DBR1: variants seen among roughly 807,000 people sequenced by gnomAD.
DBR1 encodes the protein lariat debranching enzyme.
A neutral mutation model predicts 45.9 loss-of-function variants in DBR1; 33 were observed. The ratio of observed to expected loss-of-function variants is 0.72; its 90% CI spans 0.55 to 0.96. The LOEUF (loss-of-function observed/expected upper bound fraction) is 0.96, where lower values mean the gene tolerates loss of function less well. Ranked by LOEUF, DBR1 falls within the 40% of genes least tolerant of loss-of-function variation. The probability of loss-of-function intolerance (pLI) is 0.00; values close to 1 mark genes in which losing one functional copy is unlikely to be tolerated. For missense variants in DBR1, 619 were observed against 667.4 expected, an observed-to-expected ratio of 0.93 and a Z score of 0.80; for synonymous variants, 235 against 235.9, an observed-to-expected ratio of 1.00 and a Z score of 0.04.
Position 138,163,434 on chromosome 3 carries a change from G to C in DBR1, c.856C>G (p.Leu286Val). The change falls in exon 7 of 8, where the codon CTC becomes GTC. Residue 286 changes from leucine to valine, a missense_variant. This residue lies in a region of DBR1 where 430 missense variants were observed against 447.7 expected (regional missense o/e 0.96). Transcript: ENST00000260803. ...PDYLEYDIEW[L>V]TILRATDDLI... ...TCATCCGTAGCCCTGAGAATAGTGA[G>C]CCATTCAATATCATATTCCAAGTAA... 1 of 1,612,604 alleles carries C rather than the reference G, an allele frequency of 6.2e-7. No homozygotes were observed. The highest frequency in any genetic ancestry group is 1.7e-4 in the Middle Eastern group (1 of 6,058).
Position 138,167,128 on chromosome 3 carries a change from AC to A in DBR1, c.666del (p.Trp222CysfsTer8). On this transcript the variant is annotated frameshift_variant, in exon 5 of 8. Transcript: ENST00000260803. LOFTEE classifies it high-confidence loss of function. ...AACTTCACATGAAGGTGGGCAGAAA[AC>A]CAATAAGTAGGTTTGAGATGCTCTA... ...ELLEHLKPTYWFSAHLHVKFA... is the reference protein window; with the variant it reads ...ELLEHLKPTYXFSAHLHVKFA... 6.2e-7 allele frequency: 1 copy of A among 1,614,146 alleles called. No homozygotes were observed. Among genetic ancestry groups the A allele is most frequent in the Non-Finnish European group, 8.5e-7 (1 of 1,180,020 alleles).
At chr3:138,172,813 C>T (rs1559884466) in intron 2 of DBR1, among the ~76,000 whole-genome samples, 2 of 152,116 alleles carry the variant, frequency 1.3e-5, no homozygotes, top group African/African-American at 4.8e-5. Flanking sequence ...CTATTTTAGT[C>T]TAATAGACTT....
At chr3:138,173,944 C>T (rs1047471001) in intron 1 of DBR1, among the ~76,000 whole-genome samples, 1 of 151,396 alleles carries the variant, frequency 6.6e-6, no homozygotes, top group African/African-American at 2.4e-5. Flanking sequence ...TCGCTTGAAC[C>T]CAGGAGACGG....
At chr3:138,167,554 G>C (rs1218397943) in intron 4 of DBR1, among the ~76,000 whole-genome samples, 1 of 152,194 alleles carries the variant, frequency 6.6e-6, no homozygotes, top group African/African-American at 2.4e-5. Flanking sequence ...CAAGGCAATG[G>C]AGACAGACTC....
chr3:138,162,588 A>G lies in DBR1; in HGVS notation c.942-6T>C, dbSNP rs1433223296. The G allele has an allele frequency of 6.2e-7, 1 of 1,600,322 alleles. No individual in the cohort carries two copies. The highest frequency in any genetic ancestry group is 1.1e-5 in the South Asian group (1 of 90,654). On this transcript the variant is annotated splice_polypyrimidine_tract_variant and splice_region_variant and intron_variant, in intron 7 of 7. Coordinates refer to ENST00000260803, the MANE Select transcript of DBR1 (RefSeq NM_016216.4). ...CTGTTGCACTATAATCCCACCTATA[A>G]AAGTACAAAACAATAGCTTTTTACA... is the stretch of plus-strand genomic sequence containing the variant.
chr3:138,167,329 G>GA, intron 4 of DBR1, 24 bp from the exon 5 acceptor site: 1 of 1,526,988 alleles, frequency 6.5e-7, no homozygotes, highest in Admixed American at 2.0e-5. Context: ...AAAAGAGAAA[G>GA]AAAGAAAACT....
chr3:138,169,887 C>T (rs1259241724), intron 4 of DBR1, among the ~76,000 whole-genome samples: 3 of 151,768 alleles, frequency 2.0e-5, no homozygotes, highest in African/African-American at 4.8e-5. Context: ...GAGCCGAGAT[C>T]GCGCCACTGC....
At chr3:138,164,030 T>C (rs145130716) in intron 5 of DBR1, 172 bp from the exon 6 acceptor site, 216 of 449,424 alleles carry the variant, frequency 4.8e-4, no homozygotes, top group African/African-American at 3.2e-3. Flanking sequence ...ACTTGTGTGA[T>C]AAAAGAGAAG....
chr3:138,166,162 T>A (rs2042929697), intron 5 of DBR1, among the ~76,000 whole-genome samples: 1 of 152,216 alleles, frequency 6.6e-6, no homozygotes, highest in Admixed American at 6.5e-5. Flanking sequence ...CAAGAAGAAA[T>A]CTGTAACTCT....
intron 4 of DBR1, among the ~76,000 whole-genome samples, 192 bp downstream of exon 4, chr3:138,169,915 A>C (rs976421183): frequency 6.6e-6 from 1 of 152,038 alleles, no homozygotes; most frequent in Non-Finnish European, 1.5e-5. Flanking sequence ...CCTGGGTGAC[A>C]TAGTGAGACT....
At chr3:138,174,528 A>T in intron 1 of DBR1, 71 bp downstream of exon 1, 1 of 1,449,526 alleles carries the variant, frequency 6.9e-7, no homozygotes, top group Non-Finnish European at 9.4e-7. Flanking sequence ...TAAGGGAAAC[A>T]GGCAGCCAGT....
rs79778872 is a variant in DBR1, at chr3:138,169,022, G to A, written c.489+1085C>T. Among the ~76,000 whole-genome samples the A allele has an allele frequency of 8.6e-3, 1,311 of 152,212 alleles. 20 individuals are homozygous for A. The highest frequency in any genetic ancestry group is 0.03 in the African/African-American group (1,267 of 41,552). The stretch of plus-strand genomic sequence containing the variant: ...ATGGCATCTAAGTTGGGTCTTAAAG[G>A]ACTGGTAGGATTTAGATAGGTGAAA... On this transcript the variant is annotated intron_variant, in intron 4 of 7. Coordinates refer to ENST00000260803, the MANE Select transcript of DBR1 (RefSeq NM_016216.4).
chr3:138,163,251 A>G (rs2042915769), intron 7 of DBR1, 98 bp downstream of exon 7: 2 of 1,272,096 alleles, frequency 1.6e-6, no homozygotes, highest in African/African-American at 1.5e-5. Flanking sequence ...TGGATAACAG[A>G]GCTAGACCCT....
rs766303216 is a variant in DBR1, at chr3:138,174,745, A to G, written c.51T>C (p.Tyr17=). Residue 17 remains tyrosine, a synonymous_variant, in exon 1 of 8, where the codon TAT becomes TAC. Coordinates refer to ENST00000260803, the MANE Select transcript of DBR1 (RefSeq NM_016216.4). ...GCCGCTCTGCCAGCGCCAGCGTCTC[A>G]TAGATCTTATCCAGCTCGCCGTGGC... is the stretch of plus-strand genomic sequence containing the variant. The part of the protein sequence containing the change: ...GCCHGELDKI[Y]ETLALAERRG... 16 of 1,612,696 alleles carry G rather than the reference A, an allele frequency of 9.9e-6. No individual in the cohort carries two copies. Among genetic ancestry groups the G allele is most frequent in the African/African-American group, 1.3e-5 (1 of 75,048 alleles).
chr3:138,173,463 T>A (rs754586402), intron 2 of DBR1, 39 bp downstream of exon 2: 1 of 1,608,616 alleles, frequency 6.2e-7, no homozygotes, highest in East Asian at 2.2e-5. Flanking sequence ...AGCTCTTCCA[T>A]CCCAGGAAAA....
rs2042909965 is a variant in DBR1, at chr3:138,162,051, C to T, written c.1473G>A (p.Gly491=). ...CTGACTCCACAGTCCCACCAGGTTTCCCCTCTCTATCAATTGTGGAATCCA... is the reference window on the plus strand; with the variant it reads ...CTGACTCCACAGTCCCACCAGGTTTTCCCTCTCTATCAATTGTGGAATCCA... ...DTVDSTIDRE[G]KPGGTVESGN... Residue 491 remains glycine (G), a synonymous_variant, in exon 8 of 8, where the codon GGG becomes GGA. Transcript: ENST00000260803. 1 of 1,614,132 alleles carries T rather than the reference C, an allele frequency of 6.2e-7. No homozygotes were observed. Among genetic ancestry groups the T allele is most frequent in the Non-Finnish European group, 8.5e-7 (1 of 1,180,032 alleles).
Position 138,173,536 on chromosome 3 carries a change from A to T in DBR1, c.288T>A (p.Tyr96Ter). The T allele has an allele frequency of 2.5e-6, 4 of 1,614,106 alleles. No individual in the cohort carries two copies. Among genetic ancestry groups the T allele is most frequent in the Non-Finnish European group, 3.4e-6 (4 of 1,179,970 alleles). The change falls in exon 2 of 8, where the codon TAT becomes TAA. Residue 96 changes from tyrosine to a stop codon, truncating the protein, a stop_gained. Coordinates refer to ENST00000260803, the MANE Select transcript of DBR1 (RefSeq NM_016216.4). LOFTEE classifies it high-confidence loss of function. ...AAATGTTTGGTGCCACCCAGCCACC[A>T]TAGGGTAACTCTTGCAAATGATTTG... ...EASNHLQELP[Y>*]GGWVAPNIYY...
Position 138,170,212 on chromosome 3 carries a change from A to G in DBR1, c.404-20T>C. 6.8e-7 allele frequency: 1 copy of G among 1,469,836 alleles called. No individual in the cohort carries two copies. Among genetic ancestry groups the G allele is most frequent in the South Asian group, 1.2e-5 (1 of 83,806 alleles). 91.0% of individuals were successfully genotyped at this position (1,469,836 alleles called of 1,614,324 possible). On this transcript the variant is annotated intron_variant, in intron 3 of 7. Coordinates refer to ENST00000260803, the MANE Select transcript of DBR1 (RefSeq NM_016216.4). ...AATGACCTTAGATTGAAGCAGAAAA[A>G]TAAGCTATATTTAATTTCCTTAAAT...
chr3:138,167,497 G>T (rs759940054), intron 4 of DBR1, among the ~76,000 whole-genome samples, 192 bp from the exon 5 acceptor site: 3 of 152,154 alleles, frequency 2.0e-5, no homozygotes, highest in Admixed American at 2.0e-4. Context: ...GCAAAGAGAA[G>T]CTGCATTTTC....
Sources: allele counts gnomAD v4.1 joint callset (sites outside exome capture counted in the v4.1 genomes callset), GRCh38; gene constraint gnomAD v4.1.1; regional missense constraint gnomAD v4.1.1; transcripts MANE v1.5; gene names NCBI Gene and HGNC (gene_info 2026-07-23, HGNC 2026-07-21).